Variants in RAI1 observed in about 807,000 individuals in gnomAD.
RAI1 encodes the protein retinoic acid-induced protein 1.
RAI1 carries 9 observed loss-of-function variants against 123.8 expected under a neutral mutation model. The observed-to-expected ratio is 0.07, with a 90% CI of 0.04 to 0.13. The LOEUF (loss-of-function observed/expected upper bound fraction) is 0.13. Ranked by LOEUF, RAI1 falls within the 10% of genes least tolerant of loss-of-function variation. RAI1 has a pLI of 1.00. For synonymous variants in RAI1, 1,231 were observed against 1,127.3 expected, an observed-to-expected ratio of 1.09 and a Z score of -1.84; for missense variants, 2,256 against 2,545.8, an observed-to-expected ratio of 0.89 and a Z score of 2.45.
chr17:17,703,321 G>A (rs1429544077), intron 1 of RAI1, among the ~76,000 whole-genome samples: 1 of 152,200 alleles, frequency 6.6e-6, no homozygotes, highest in Non-Finnish European at 1.5e-5. Flanking sequence ...AGGCTGCACT[G>A]CAAGTCAGAA....
At chr17:17,750,826 G>T (rs928486756) in intron 2 of RAI1, among the ~76,000 whole-genome samples, 2 of 151,968 alleles carry the variant, frequency 1.3e-5, no homozygotes, top group African/African-American at 4.8e-5. Flanking sequence ...GTGTCCAGAA[G>T]AAATTTATGC....
chr17:17,700,197 C>T (rs1433365012), intron 1 of RAI1, among the ~76,000 whole-genome samples: 2 of 152,248 alleles, frequency 1.3e-5, no homozygotes, highest in Non-Finnish European at 2.9e-5. Flanking sequence ...CATCTGCTCT[C>T]TAGGTTGGGC....
At chr17:17,707,512 A>G (rs1791681201) in intron 1 of RAI1, among the ~76,000 whole-genome samples, 1 of 152,182 alleles carries the variant, frequency 6.6e-6, no homozygotes, top group African/African-American at 2.4e-5. Context: ...GTCCTGAGGC[A>G]GGAACGTGTT....
In RAI1 at chr17:17,793,417, T is replaced by C. The variant is rs1289033749; in HGVS notation, c.469T>C (p.Tyr157His). Residue 157 changes from tyrosine (Y) to histidine (H), a missense_variant, in exon 3 of 6, where the codon TAT (tyrosine) becomes CAT (histidine). Physicochemically the swap from Tyr to His is moderately conservative, Grantham distance 83. Transcript: ENST00000353383. The part of the protein sequence containing the change: ...KKTAVPPSRQ[Y>H]AEQGAQVPFR... Reference sequence around the variant, plus strand: ...GACAGCAGTGCCCCCCAGCAGGCAGTATGCAGAGCAGGGCGCCCAGGTGCC... The same window carrying C: ...GACAGCAGTGCCCCCCAGCAGGCAGCATGCAGAGCAGGGCGCCCAGGTGCC... The C allele has an allele frequency of 3.7e-6, 6 of 1,613,196 alleles. No homozygotes were observed. The highest frequency in any genetic ancestry group is 2.7e-5 in the African/African-American group (2 of 74,888).
rs546241292 is a variant in RAI1 at position 17,781,338 on chromosome 17, A to G, written c.-16-11595A>G. 6.2e-4 allele frequency among the ~76,000 whole-genome samples: 95 copies of G among 152,270 alleles called. No homozygotes were observed. The East Asian group carries it at 0.018, about 28-fold the overall frequency. ...TGTGGGTCTCCAGGATTGGGCACGG[A>G]GCAGTCTGCAAAATGTCAAGTGAGG... On this transcript the variant is annotated intron_variant, in intron 2 of 5. Coordinates refer to ENST00000353383, the MANE Select transcript of RAI1 (RefSeq NM_030665.4).
chr17:17,776,378 C>CT (rs536686087), intron 2 of RAI1, among the ~76,000 whole-genome samples: 12 of 150,020 alleles, frequency 8.0e-5, no homozygotes, highest in Non-Finnish European at 8.9e-5. Flanking sequence ...TTTGTACACA[C>CT]TTTTTTTTTT....
chr17:17,798,323 G>T lies in RAI1; in HGVS notation c.5375G>T (p.Gly1792Val). Residue 1792 changes from glycine to valine, a missense_variant, in exon 3 of 6, where the codon GGG becomes GTG. Transcript: ENST00000353383. ...SCYCCDGRED[G>V]GEEAAPADKG... ...TACTGCTGTGATGGCCGGGAGGATG[G>T]GGGCGAGGAGGCAGCCCCAGCCGAC... The T allele has an allele frequency of 6.3e-7, 1 of 1,597,382 alleles. No individual in the cohort carries two copies. Among genetic ancestry groups the T allele is most frequent in the Non-Finnish European group, 8.5e-7 (1 of 1,171,428 alleles).
chr17:17,706,984 C>T (rs934229850), intron 1 of RAI1, among the ~76,000 whole-genome samples: 8 of 152,214 alleles, frequency 5.3e-5, no homozygotes, highest in African/African-American at 1.9e-4. Flanking sequence ...GATCTCTGCC[C>T]TGGTGAGCTC....
At chr17:17,727,448 C>CTTACG (rs1916132802) in intron 2 of RAI1, among the ~76,000 whole-genome samples, 1 of 152,038 alleles carries the variant, frequency 6.6e-6, no homozygotes, top group African/African-American at 2.4e-5. Flanking sequence ...ACTGAGACCC[C>CTTACG]AAGCTTACCC....
intron 1 of RAI1, among the ~76,000 whole-genome samples, chr17:17,700,123 C>T (rs1347043116): frequency 6.6e-6 from 1 of 152,234 alleles, no homozygotes; most frequent in Non-Finnish European, 1.5e-5. Context: ...AGGCTGAGAC[C>T]GGGGCTGTGT....
In RAI1 at chr17:17,800,602, A is replaced by T. The variant is rs941801383; in HGVS notation, c.5565+2089A>T. Among the ~76,000 whole-genome samples the T allele has an allele frequency of 8.6e-5, 13 of 152,028 alleles. No individual in the cohort carries two copies. The highest frequency in any genetic ancestry group is 2.9e-4 in the African/African-American group (12 of 41,394). ...AGACAGTGTGTGTTGGAGAGGCGCT[A>T]GCTTCCCTACACCACGCGGGGGCTG... On this transcript the variant is annotated intron_variant, in intron 3 of 5. Transcript: ENST00000353383. This position sits in a 1 kb window ranked among gnomAD's most constrained non-coding sequence, Gnocchi z 4.7.
intron 2 of RAI1, among the ~76,000 whole-genome samples, chr17:17,749,733 T>C (rs1176556463): frequency 1.3e-5 from 2 of 152,162 alleles, no homozygotes; most frequent in Admixed American, 1.3e-4. Flanking sequence ...CCTGCCCTGG[T>C]TTATTTACTA....
intron 2 of RAI1, among the ~76,000 whole-genome samples, chr17:17,727,024 G>T (rs1391561213): frequency 1.3e-5 from 2 of 152,126 alleles, no homozygotes; most frequent in Non-Finnish European, 2.9e-5. Flanking sequence ...CAACATTCTG[G>T]ATGTTCCTGA....
At chr17:17,688,121 TCA>T (rs1914704512) in intron 1 of RAI1, among the ~76,000 whole-genome samples, 2 of 149,806 alleles carry the variant, frequency 1.3e-5, no homozygotes, top group South Asian at 4.2e-4. Context: ...GGCTTTGGGG[TCA>T]CACCAGCCTG....
chr17:17,717,691 C>T (rs983299843), intron 1 of RAI1, among the ~76,000 whole-genome samples: 3 of 152,196 alleles, frequency 2.0e-5, no homozygotes, highest in African/African-American at 2.4e-5. Context: ...GCCCTCTGAA[C>T]CCCAGGGCCT....
At chr17:17,806,726 C>T (rs2032600196) in intron 4 of RAI1, among the ~76,000 whole-genome samples, 2 of 152,202 alleles carry the variant, frequency 1.3e-5, no homozygotes, top group South Asian at 2.1e-4. Flanking sequence ...GGCCTGGGTG[C>T]GTCCTCATGG....
At position 17,797,660 on chromosome 17, in the gene RAI1, C is replaced by A. The variant is rs1361788208; in HGVS notation, c.4712C>A (p.Ala1571Glu). 1 of 1,613,854 alleles carries A rather than the reference C, an allele frequency of 6.2e-7. No homozygotes were observed. ...RQQQVLPLDP[A>E]EPEIRLKYIS... is the part of the protein sequence containing the mutation. Reference sequence around the variant, plus strand: ...CAGCAGGTGCTGCCCCTGGATCCCGCAGAGCCTGAAATCCGCCTCAAGTAC... The same window carrying A: ...CAGCAGGTGCTGCCCCTGGATCCCGAAGAGCCTGAAATCCGCCTCAAGTAC... The change falls in exon 3 of 6, where the codon GCA (alanine) becomes GAA (glutamate). Residue 1571 changes from alanine to glutamate, a missense_variant. By Grantham distance (107) the Ala-to-Glu change is moderately radical (BLOSUM62 -1). Coordinates refer to ENST00000353383, the MANE Select transcript of RAI1 (RefSeq NM_030665.4).
Position 17,798,390 on chromosome 17 carries a change from G to T in RAI1, c.5442G>T (p.Glu1814Asp), listed in dbSNP as rs761383970. Reference sequence around the variant, plus strand: ...AGTGCAGCAAGGAGGCTCCGGCAGAGCCCGGCGGGGAGGCCCAGGAGCACT... The same window carrying T: ...AGTGCAGCAAGGAGGCTCCGGCAGATCCCGGCGGGGAGGCCCAGGAGCACT... ...KHECSKEAPA[E>D]PGGEAQEHWV... The change falls in exon 3 of 6, where the codon GAG becomes GAT. Residue 1814 changes from glutamate to aspartate, a missense_variant. Coordinates refer to ENST00000353383, the MANE Select transcript of RAI1 (RefSeq NM_030665.4). 7 of 1,609,858 alleles carry T rather than the reference G, an allele frequency of 4.3e-6. No individual in the cohort carries two copies. Among genetic ancestry groups the T allele is most frequent in the Non-Finnish European group, 5.9e-6 (7 of 1,178,678 alleles).
chr17:17,708,973 G>GT (rs1915478241), intron 1 of RAI1, among the ~76,000 whole-genome samples: 1 of 152,224 alleles, frequency 6.6e-6, no homozygotes, highest in African/African-American at 2.4e-5. Flanking sequence ...GTCCACCACG[G>GT]GCCTTTCCTA....
Sources: allele counts gnomAD v4.1 joint callset (sites outside exome capture counted in the v4.1 genomes callset), GRCh38; gene constraint gnomAD v4.1.1; non-coding constraint Gnocchi (gnomAD v3.1); transcripts MANE v1.5; gene names NCBI Gene and HGNC (gene_info 2026-07-23, HGNC 2026-07-21).